Variants in ZNF676 observed in about 807,000 individuals in gnomAD.
ZNF676 encodes zinc finger protein 676.
Under a neutral mutation model 6.0 loss-of-function variants are expected in ZNF676, and 4 were observed. That is an observed-to-expected ratio of 0.67 (90% CI 0.33 to 1.53). ZNF676 has a LOEUF of 1.53. ZNF676 is among the 40% of genes most tolerant of loss of function. The pLI is 0.06. For synonymous variants in ZNF676, 198 were observed against 223.1 expected (o/e 0.89, Z 1.00); for missense variants, 644 against 679.7 (o/e 0.95, Z 0.58).
At chr19:22,247,665 A>T in the ZNF676 span, among the ~76,000 whole-genome samples, 1 of 152,038 alleles carries the variant, frequency 6.6e-6, no homozygotes, top group Non-Finnish European at 1.5e-5. Flanking sequence ...CATGCCTGTA[A>T]TCCCAGCTAC....
chr19:22,245,114 G>A, the ZNF676 span: 2 of 152,322 alleles, frequency 1.3e-5, no homozygotes. Context: ...CTAGGTGCTT[G>A]GTCCAGTAAT....
At chr19:22,237,011 A>G in the ZNF676 span, among the ~76,000 whole-genome samples, 12 of 152,356 alleles carry the variant, frequency 7.9e-5, no homozygotes, top group South Asian at 1.0e-3. Context: ...TCTGACATGC[A>G]GAGAAAAGTA....
chr19:22,190,316 A>C (rs2023885355), intron 2 of ZNF676, among the ~76,000 whole-genome samples: 1 of 152,032 alleles, frequency 6.6e-6, no homozygotes, highest in African/African-American at 2.4e-5. Context: ...GGAATTTAAC[A>C]AAACACTCGA....
chr19:22,243,869 A>C, the ZNF676 span: 1 of 152,186 alleles, frequency 6.6e-6, no homozygotes, highest in Non-Finnish European at 1.5e-5. Context: ...GAGATTCAGG[A>C]GCTCACTAGC....
chr19:22,195,881 C>G (rs536585192), intron 1 of ZNF676, among the ~76,000 whole-genome samples: 1 of 152,268 alleles, frequency 6.6e-6, no homozygotes, highest in South Asian at 2.1e-4. Flanking sequence ...TAAGCAAACT[C>G]AAGAGTTTCA....
the ZNF676 span, among the ~76,000 whole-genome samples, chr19:22,222,789 G>C: frequency 6.6e-6 from 1 of 152,180 alleles, no homozygotes; most frequent in African/African-American, 2.4e-5. Context: ...GTTACAAAAG[G>C]CTTGGGTAGT....
the ZNF676 span, among the ~76,000 whole-genome samples, chr19:22,232,928 C>A: frequency 6.6e-6 from 1 of 152,012 alleles, no homozygotes; most frequent in Non-Finnish European, 1.5e-5. Flanking sequence ...AAGAAATAGA[C>A]ACAGCAACTC....
the ZNF676 span, among the ~76,000 whole-genome samples, chr19:22,225,938 T>G: frequency 6.6e-6 from 1 of 152,144 alleles, no homozygotes; most frequent in African/African-American, 2.4e-5. Flanking sequence ...AATTTTGAAG[T>G]ATATTTCAGT....
the ZNF676 span, among the ~76,000 whole-genome samples, chr19:22,256,026 C>A: frequency 6.6e-6 from 1 of 152,192 alleles, no homozygotes; most frequent in Non-Finnish European, 1.5e-5. Flanking sequence ...TCCATACATG[C>A]AAGTCAATCT....
intron 2 of ZNF676, among the ~76,000 whole-genome samples, chr19:22,184,677 G>A (rs2023807900): frequency 6.6e-6 from 1 of 151,938 alleles, no homozygotes; most frequent in Non-Finnish European, 1.5e-5. Flanking sequence ...CTCGAGCTTG[G>A]TGGGGGAAGG....
At chr19:22,190,237 G>A (rs1442619548) in intron 2 of ZNF676, among the ~76,000 whole-genome samples, 1 of 152,030 alleles carries the variant, frequency 6.6e-6, no homozygotes, top group Non-Finnish European at 1.5e-5. Context: ...GGATGAAGCT[G>A]GAAACCATCA....
At chr19:22,240,899 G>T in the ZNF676 span, among the ~76,000 whole-genome samples, 1,019 of 152,084 alleles carry the variant, frequency 6.7e-3, 26 homozygotes, top group African/African-American at 0.024. Context: ...ATACATGGAT[G>T]ATGGGCACAG....
At chr19:22,193,814 T>C (rs1257173476) in intron 1 of ZNF676, among the ~76,000 whole-genome samples, 2 of 152,182 alleles carry the variant, frequency 1.3e-5, no homozygotes, top group African/African-American at 4.8e-5. Flanking sequence ...AGCACACTCC[T>C]GTACAGTTTA....
upstream of ZNF676, among the ~76,000 whole-genome samples, chr19:22,220,446 C>G (rs559032550): frequency 1.4e-5 from 2 of 144,606 alleles, no homozygotes; most frequent in Non-Finnish European, 3.0e-5. Context: ...TTGTCCTGGA[C>G]GTTTTTTGTT....
the ZNF676 span, among the ~76,000 whole-genome samples, chr19:22,241,270 T>C: frequency 1.3e-5 from 2 of 151,886 alleles, no homozygotes; most frequent in East Asian, 1.9e-4. Context: ...CAGTTTCAGG[T>C]ATGAGAGTCA....
the ZNF676 span, among the ~76,000 whole-genome samples, chr19:22,232,201 C>T: frequency 6.6e-6 from 1 of 151,852 alleles, no homozygotes; most frequent in Non-Finnish European, 1.5e-5. Context: ...CGGAGTCTCG[C>T]TCTGTCTCCA....
chr19:22,221,607 C>T, the ZNF676 span, among the ~76,000 whole-genome samples: 2 of 152,026 alleles, frequency 1.3e-5, no homozygotes, highest in African/African-American at 4.8e-5. Flanking sequence ...AAAAATTAGG[C>T]AGGCATGGTG....
chr19:22,212,814 GT>G (rs372518574), intron 1 of ZNF676, among the ~76,000 whole-genome samples: 160 of 152,090 alleles, frequency 1.1e-3, no homozygotes, highest in African/African-American at 3.7e-3. Context: ...GGGCAATATG[GT>G]GAAATTCCAT....
At chr19:22,213,960 G>GA (rs1162161758) in intron 1 of ZNF676, among the ~76,000 whole-genome samples, 2 of 152,136 alleles carry the variant, frequency 1.3e-5, no homozygotes, top group African/African-American at 4.8e-5. Flanking sequence ...TGTGTCTAGG[G>GA]AAACTAGAAG....
Sources: allele counts gnomAD v4.1 joint callset (sites outside exome capture counted in the v4.1 genomes callset), GRCh38; gene constraint gnomAD v4.1.1; transcripts MANE v1.5; gene names NCBI Gene and HGNC (gene_info 2026-07-23, HGNC 2026-07-21).